Variants in AGAP1 observed in about 807,000 individuals in gnomAD.
AGAP1 encodes the protein arf-GAP with GTPase, ANK repeat and PH domain-containing protein 1.
In AGAP1, 29 loss-of-function variants were observed where a neutral mutation model predicts 105.3. That is an observed-to-expected ratio of 0.28 (90% CI 0.21 to 0.38). The LOEUF (loss-of-function observed/expected upper bound fraction) is 0.38, where lower values mean the gene tolerates loss of function less well. Among genes scored for constraint, AGAP1 ranks in the 10% least tolerant of loss-of-function variants. The pLI is 1.00. For synonymous variants in AGAP1, 509 were observed against 485.9 expected (o/e 1.05, Z -0.63); for missense variants, 998 against 1,165.1 (o/e 0.86, Z 2.09).
chr2:235,702,338 G>T (rs1290758385), intron 1 of AGAP1, among the ~76,000 whole-genome samples: 4 of 152,196 alleles, frequency 2.6e-5, no homozygotes, highest in South Asian at 2.1e-4. Flanking sequence ...TGAAGAATGT[G>T]GGGGAGCCTT....
intron 9 of AGAP1, among the ~76,000 whole-genome samples, chr2:235,860,132 AAC>A (rs1270275029): frequency 6.6e-6 from 1 of 152,224 alleles, no homozygotes; most frequent in Non-Finnish European, 1.5e-5. Context: ...CACTGAAAGA[AAC>A]ACAAATACTC....
In AGAP1 at chr2:236,080,152, T is replaced by C. The variant is rs926114234; in HGVS notation, c.2114+30871T>C. Among the ~76,000 whole-genome samples the C allele has an allele frequency of 5.3e-5, 8 of 152,306 alleles. No homozygotes were observed. Among genetic ancestry groups the C allele is most frequent in the African/African-American group, 1.9e-4 (8 of 41,564 alleles). Reference sequence around the variant, plus strand: ...CTTCTACAGTGGGCACAAAGCACATTTGCCCTGTGCTCTGGAGGGAGATGC... The same window carrying C: ...CTTCTACAGTGGGCACAAAGCACATCTGCCCTGTGCTCTGGAGGGAGATGC... On this transcript the variant is annotated intron_variant, in intron 16 of 17. Transcript: ENST00000304032. This position sits in a 1 kb window ranked among gnomAD's most constrained non-coding sequence, Gnocchi z 4.2.
At chr2:235,742,007 C>T (rs1452470486) in intron 4 of AGAP1, among the ~76,000 whole-genome samples, 1 of 152,182 alleles carries the variant, frequency 6.6e-6, no homozygotes, top group East Asian at 1.9e-4. Context: ...CTCACCTCGG[C>T]CTCCCAAAGT....
At chr2:236,033,617 C>T (rs373775458) in intron 13 of AGAP1, among the ~76,000 whole-genome samples, 22 of 152,310 alleles carry the variant, frequency 1.4e-4, no homozygotes, top group African/African-American at 4.8e-4. Context: ...AGTGTGTGCC[C>T]GTCCTCACCA....
chr2:235,630,055 A>G (rs1405245956), intron 1 of AGAP1, among the ~76,000 whole-genome samples: 3 of 152,074 alleles, frequency 2.0e-5, no homozygotes, highest in Non-Finnish European at 4.4e-5. Flanking sequence ...TTTTTCCAGC[A>G]GGATGGAAAT....
At chr2:236,079,977 T>C (rs1026347029) in intron 16 of AGAP1, among the ~76,000 whole-genome samples, 5 of 152,236 alleles carry the variant, frequency 3.3e-5, no homozygotes, top group African/African-American at 4.8e-5. Flanking sequence ...AAATCCGTTA[T>C]TCACAGCAAT....
intron 9 of AGAP1, among the ~76,000 whole-genome samples, chr2:235,847,066 G>T (rs564200660): frequency 3.9e-5 from 6 of 152,224 alleles, no homozygotes; most frequent in Admixed American, 1.3e-4. Context: ...AGGCCACCGT[G>T]GCAGTCACAC....
intron 1 of AGAP1, among the ~76,000 whole-genome samples, chr2:235,671,860 C>T (rs1948450770): frequency 6.6e-6 from 1 of 152,128 alleles, no homozygotes; most frequent in South Asian, 2.1e-4. Flanking sequence ...ATCAGTTAAC[C>T]TTTTGGTAGC....
chr2:235,798,870 CAAAAAAAAAAAAAA>C (rs1041317180), intron 7 of AGAP1, among the ~76,000 whole-genome samples: 7 of 49,030 alleles, frequency 1.4e-4, no homozygotes, highest in Middle Eastern at 0.01. Context: ...GACCCTGTCT[CAAAAAAAAAAAAAA>C]AAAAAAAAAA....
Position 235,740,613 on chromosome 2 carries a change from C to T in AGAP1, c.311-350C>T, listed in dbSNP as rs1952523307. ...GAAAAATTTGTTTCAGTTTTGTGAA[C>T]CCAACAAGAGAATGACAATTTTAAT... On this transcript the variant is annotated intron_variant, in intron 3 of 17. Transcript: ENST00000304032. The surrounding 1 kb of genome is among the most constrained non-coding windows in gnomAD (Gnocchi z 5.7). Among the ~76,000 whole-genome samples the T allele has an allele frequency of 6.6e-6, 1 of 152,182 alleles. No homozygotes were observed. Among genetic ancestry groups the T allele is most frequent in the Non-Finnish European group, 1.5e-5 (1 of 68,038 alleles).
rs1379324568 is a variant in AGAP1 at position 236,096,225 on chromosome 2, G to A, written c.2115-23967G>A. Among the ~76,000 whole-genome samples, 1 of 152,184 alleles carries A rather than the reference G, an allele frequency of 6.6e-6. No individual in the cohort carries two copies. Among genetic ancestry groups the A allele is most frequent in the Non-Finnish European group, 1.5e-5 (1 of 68,028 alleles). Reference sequence around the variant, plus strand: ...TAAAAGCTCCTGGAATGTCAGCCAGGCACAGTGGCTCACGCCTGTAATCCC... The same window carrying A: ...TAAAAGCTCCTGGAATGTCAGCCAGACACAGTGGCTCACGCCTGTAATCCC... On this transcript the variant is annotated intron_variant, in intron 16 of 17. Transcript: ENST00000304032. The surrounding 1 kb of genome is among the most constrained non-coding windows in gnomAD (Gnocchi z 4.4).
At chr2:236,039,791 G>T (rs1000024423) in intron 14 of AGAP1, among the ~76,000 whole-genome samples, 1 of 152,206 alleles carries the variant, frequency 6.6e-6, no homozygotes, top group South Asian at 2.1e-4. Flanking sequence ...TGTGTATGTA[G>T]ATGTGCTTAA....
chr2:235,814,649 C>CA (rs1958348205), intron 9 of AGAP1, among the ~76,000 whole-genome samples: 1 of 152,030 alleles, frequency 6.6e-6, no homozygotes, highest in Admixed American at 6.5e-5. Flanking sequence ...GGTGTCACGC[C>CA]AAGGAGTGGT....
chr2:236,103,549 T>C (rs866662326), intron 16 of AGAP1, among the ~76,000 whole-genome samples: 3 of 151,924 alleles, frequency 2.0e-5, no homozygotes, highest in Non-Finnish European at 4.4e-5. Context: ...TTTCCTTTCT[T>C]TCCTTTCTTT....
chr2:235,940,375 C>G (rs1475062375), intron 12 of AGAP1, among the ~76,000 whole-genome samples: 1 of 152,228 alleles, frequency 6.6e-6, no homozygotes, highest in African/African-American at 2.4e-5. Flanking sequence ...CCCACACCCA[C>G]TCCAGTGGCT....
At position 235,813,296 on chromosome 2, in the gene AGAP1, A is replaced by G. The variant is rs533681427; in HGVS notation, c.1050+5965A>G. Among the ~76,000 whole-genome samples, 6 of 152,376 alleles carry G rather than the reference A, an allele frequency of 3.9e-5. No individual in the cohort carries two copies. The East Asian group carries it at 1.2e-3, about 29-fold the overall frequency. ...ATCCATCATTTATATGCAAATCTGC[A>G]AAGCAATCGAAAAGAATACTTCCCT... is the stretch of plus-strand genomic sequence containing the variant. On this transcript the variant is annotated intron_variant, in intron 9 of 17. Coordinates refer to ENST00000304032, the MANE Select transcript of AGAP1 (RefSeq NM_001037131.3).
Position 235,845,288 on chromosome 2 carries a change from C to T in AGAP1, c.1050+37957C>T, listed in dbSNP as rs1961339891. 1.3e-5 allele frequency among the ~76,000 whole-genome samples: 2 copies of T among 152,164 alleles called. No individual in the cohort carries two copies. The highest frequency in any genetic ancestry group is 4.8e-5 in the African/African-American group (2 of 41,432). On this transcript the variant is annotated intron_variant, in intron 9 of 17. Transcript: ENST00000304032. The surrounding 1 kb of genome is among the most constrained non-coding windows in gnomAD (Gnocchi z 4.8). ...CTGCACAGGAGTCTAGAGGCTGAGT[C>T]TGTAACTAATCCAGCTCAGACCACA...
intron 10 of AGAP1, among the ~76,000 whole-genome samples, chr2:235,895,722 GATGGATGGATGGATGGATGGATGGATGA>G (rs1207283632): frequency 2.4e-4 from 35 of 146,696 alleles, no homozygotes; most frequent in South Asian, 2.0e-3. Flanking sequence ...TGGATGGATG[GATGGATGGATGGATGGATGGATGGATGA>G]ATGGAGGCAC....
At position 236,050,347 on chromosome 2, in the gene AGAP1, C is replaced by T. The variant is rs998701691; in HGVS notation, c.2114+1066C>T. Among the ~76,000 whole-genome samples the T allele has an allele frequency of 2.0e-5, 3 of 152,104 alleles. No homozygotes were observed. The highest frequency in any genetic ancestry group is 1.9e-4 in the East Asian group (1 of 5,188). Reference sequence around the variant, plus strand: ...CTGGTGTGTTACTCATCTGGCTCTCCGTATGAGGGATTCTTTGGTAGTGGG... The same window carrying T: ...CTGGTGTGTTACTCATCTGGCTCTCTGTATGAGGGATTCTTTGGTAGTGGG... On this transcript the variant is annotated intron_variant, in intron 16 of 17. Transcript: ENST00000304032. The surrounding 1 kb of genome is among the most constrained non-coding windows in gnomAD (Gnocchi z 4.0).
Sources: allele counts gnomAD v4.1 joint callset (sites outside exome capture counted in the v4.1 genomes callset), GRCh38; gene constraint gnomAD v4.1.1; non-coding constraint Gnocchi (gnomAD v3.1); transcripts MANE v1.5; gene names NCBI Gene and HGNC (gene_info 2026-07-23, HGNC 2026-07-21).